NTM: variants seen among roughly 807,000 people sequenced by gnomAD.
NTM encodes the protein neurotrimin.
A neutral mutation model predicts 42.1 loss-of-function variants in NTM; 13 were observed. The ratio of observed to expected loss-of-function variants is 0.31; its 90% CI spans 0.20 to 0.49. The LOEUF (loss-of-function observed/expected upper bound fraction) is 0.49. Among genes scored for constraint, NTM ranks in the 20% least tolerant of loss-of-function variants. The pLI is 0.99. For synonymous variants in NTM, 187 were observed against 179.2 expected, an observed-to-expected ratio of 1.04 and a Z score of -0.35; for missense variants, 373 against 452.8, an observed-to-expected ratio of 0.82 and a Z score of 1.60.
At chr11:131,416,317 G>C (rs12421853) in intron 1 of NTM, among the ~76,000 whole-genome samples, 2,533 of 152,106 alleles carry the variant, frequency 0.017, 26 homozygotes, top group Non-Finnish European at 0.027. Flanking sequence ...TAGAGGGTAC[G>C]AATGGTAAAT....
At chr11:131,977,318 A>G (rs2064552484) in intron 2 of NTM, among the ~76,000 whole-genome samples, 1 of 152,212 alleles carries the variant, frequency 6.6e-6, no homozygotes, top group African/African-American at 2.4e-5. Context: ...TGTACTGCCA[A>G]ATTTCCCAAG....
intron 2 of NTM, among the ~76,000 whole-genome samples, chr11:131,950,666 T>C (rs1029384524): frequency 6.6e-6 from 1 of 152,244 alleles, no homozygotes; most frequent in Admixed American, 6.5e-5. Flanking sequence ...TAATGGCACC[T>C]ACCTTATCAG....
chr11:132,321,116 C>T (rs559119850), intron 7 of NTM, among the ~76,000 whole-genome samples: 37 of 152,262 alleles, frequency 2.4e-4, no homozygotes, highest in South Asian at 2.3e-3. Flanking sequence ...AAAAGCTGAG[C>T]GCCTCTCCTC....
chr11:132,162,128 G>A (rs1407449538), intron 3 of NTM, among the ~76,000 whole-genome samples: 3 of 151,996 alleles, frequency 2.0e-5, no homozygotes, highest in Non-Finnish European at 4.4e-5. Flanking sequence ...GTGTAAGTGT[G>A]CATACTTTGT....
At chr11:131,372,529 G>A (rs747563157) in intron 1 of NTM, among the ~76,000 whole-genome samples, 25 of 152,000 alleles carry the variant, frequency 1.6e-4, no homozygotes, top group Non-Finnish European at 3.5e-4. Context: ...GTTCAGGATC[G>A]GGCAGTTTCG....
At chr11:131,918,987 A>C (rs1428868772) in intron 2 of NTM, among the ~76,000 whole-genome samples, 2 of 152,122 alleles carry the variant, frequency 1.3e-5, no homozygotes, top group South Asian at 4.1e-4. Flanking sequence ...ATTTCCACGT[A>C]CTTCTCTGGA....
At chr11:131,466,869 T>C (rs1268019263) in intron 1 of NTM, among the ~76,000 whole-genome samples, 1 of 152,218 alleles carries the variant, frequency 6.6e-6, no homozygotes, top group Non-Finnish European at 1.5e-5. Context: ...TGCAGACTTA[T>C]TCCTCACTCG....
At chr11:131,867,266 G>A (rs1815445075) in intron 1 of NTM, among the ~76,000 whole-genome samples, 1 of 152,222 alleles carries the variant, frequency 6.6e-6, no homozygotes. Context: ...ACGCAGTGGG[G>A]AAGTTGGAAG....
intron 4 of NTM, among the ~76,000 whole-genome samples, chr11:132,273,309 GTTTTTTTTTTTTTT>G (rs57877862): frequency 3.6e-5 from 2 of 55,672 alleles, no homozygotes; most frequent in South Asian, 2.0e-3. Context: ...GTTGACTAGT[GTTTTTTTTTTTTTT>G]TTTTTTTTTT....
At chr11:131,911,442 G>C in intron 1 of NTM, 122 bp from the exon 2 acceptor site, 1 of 1,613,428 alleles carries the variant, frequency 6.2e-7, no homozygotes, top group Middle Eastern at 1.7e-4. Context: ...GGCGTGTGCC[G>C]TGCGGCTGCC....
intron 1 of NTM, among the ~76,000 whole-genome samples, chr11:131,681,261 CTGTG>C (rs1227319335): frequency 4.6e-5 from 1 of 21,876 alleles, no homozygotes; most frequent in African/African-American, 1.2e-4. Context: ...GTTTCTGTGT[CTGTG>C]TGTATGTCTC....
chr11:131,583,550 G>A (rs1290265474), intron 1 of NTM, among the ~76,000 whole-genome samples: 2 of 152,208 alleles, frequency 1.3e-5, no homozygotes, highest in African/African-American at 2.4e-5. Flanking sequence ...GAGTAATCGC[G>A]CCTTACCTTC....
intron 1 of NTM, among the ~76,000 whole-genome samples, chr11:131,430,791 GC>G (rs374004939): frequency 2.4e-4 from 36 of 152,322 alleles, no homozygotes; most frequent in African/African-American, 8.4e-4. Context: ...GGGTCTCCCT[GC>G]AGGCTACAGC....
chr11:132,013,969 T>G lies in NTM; in HGVS notation c.167+102321T>G, dbSNP rs77561272. Among the ~76,000 whole-genome samples the G allele has an allele frequency of 3.4e-3, 519 of 152,128 alleles. 3 individuals carry two copies. The highest frequency in any genetic ancestry group is 5.1e-3 in the Non-Finnish European group (345 of 67,930). On this transcript the variant is annotated intron_variant, in intron 2 of 8. Transcript: ENST00000683400. The stretch of plus-strand genomic sequence containing the variant: ...TTTACCATACACTGCTATTGAATAT[T>G]AGAACTTATTCCTATATCGTATGTC...
intron 1 of NTM, among the ~76,000 whole-genome samples, chr11:131,557,286 A>G (rs777854432): frequency 2.2e-4 from 33 of 152,260 alleles, no homozygotes; most frequent in Admixed American, 9.2e-4. Context: ...GGTCAGAGGA[A>G]TGAAAAAACA....
chr11:132,290,837 G>T (rs534674341), intron 4 of NTM, among the ~76,000 whole-genome samples: 9 of 152,278 alleles, frequency 5.9e-5, no homozygotes, highest in Admixed American at 3.3e-4. Context: ...ATTCTTATAC[G>T]AGCTGAACTT....
chr11:132,316,334 T>C (rs2095429775), intron 7 of NTM, among the ~76,000 whole-genome samples: 2 of 152,204 alleles, frequency 1.3e-5, no homozygotes, highest in African/African-American at 2.4e-5. Flanking sequence ...AAATATGCTC[T>C]TTTCAGCAGG....
chr11:132,191,549 G>A (rs1392116931), intron 3 of NTM, among the ~76,000 whole-genome samples: 1 of 152,194 alleles, frequency 6.6e-6, no homozygotes, highest in Non-Finnish European at 1.5e-5. Context: ...TAACTTCAAA[G>A]GATAGAGGAA....
intron 2 of NTM, among the ~76,000 whole-genome samples, chr11:132,124,395 C>T (rs1043890970): frequency 6.6e-6 from 1 of 152,168 alleles, no homozygotes; most frequent in African/African-American, 2.4e-5. Flanking sequence ...AGCACAGTGC[C>T]GCCCTGTTGG....
Sources: allele counts gnomAD v4.1 joint callset (sites outside exome capture counted in the v4.1 genomes callset), GRCh38; gene constraint gnomAD v4.1.1; transcripts MANE v1.5; gene names NCBI Gene and HGNC (gene_info 2026-07-23, HGNC 2026-07-21).